AMD1: variants seen among roughly 807,000 people sequenced by gnomAD.
AMD1 encodes the protein S-adenosylmethionine decarboxylase proenzyme.
In AMD1, 11 loss-of-function variants were observed where a neutral mutation model predicts 40.2. The observed-to-expected ratio is 0.27, with a 90% CI of 0.17 to 0.45. The LOEUF (loss-of-function observed/expected upper bound fraction) is 0.45, where lower values mean the gene tolerates loss of function less well. Among genes scored for constraint, AMD1 ranks in the 20% least tolerant of loss-of-function variants. The probability of loss-of-function intolerance (pLI) is 1.00; values close to 1 mark genes in which losing one functional copy is unlikely to be tolerated. For synonymous variants in AMD1, 121 were observed against 130.8 expected, an observed-to-expected ratio of 0.93 and a Z score of 0.51; for missense variants, 257 against 410.2, an observed-to-expected ratio of 0.63 and a Z score of 3.23.
chr6:110,835,941 A>G, the AMD1 span, among the ~76,000 whole-genome samples: 40 of 147,446 alleles, frequency 2.7e-4, no homozygotes, highest in Non-Finnish European at 4.5e-4. Context: ...GAGCCCAGAA[A>G]GGCTGAGGCT....
At chr6:110,858,541 C>A in the AMD1 span, 2 of 1,599,054 alleles carry the variant, frequency 1.3e-6, no homozygotes, top group Non-Finnish European at 1.7e-6. Context: ...ACGGCATGAA[C>A]ACCGTGGACC....
At chr6:110,869,650 T>C in the AMD1 span, among the ~76,000 whole-genome samples, 51 of 150,872 alleles carry the variant, frequency 3.4e-4, no homozygotes, top group African/African-American at 1.2e-3. Context: ...GCTGGGATTA[T>C]AGGCGTGCTC....
the AMD1 span, among the ~76,000 whole-genome samples, chr6:110,829,680 A>G: frequency 6.6e-6 from 1 of 150,626 alleles, no homozygotes; most frequent in African/African-American, 2.4e-5. Context: ...AAAAATAATA[A>G]TAATAATAAT....
At chr6:110,846,609 C>T in the AMD1 span, among the ~76,000 whole-genome samples, 2 of 152,254 alleles carry the variant, frequency 1.3e-5, no homozygotes, top group East Asian at 1.9e-4. Context: ...TGGTGGCTCA[C>T]ACCTGTAATC....
the AMD1 span, among the ~76,000 whole-genome samples, chr6:110,837,106 G>GTGATACCACCACTGCACTACAGTC: frequency 7.1e-6 from 1 of 140,508 alleles, no homozygotes; most frequent in Non-Finnish European, 1.5e-5. Context: ...GCAGTGAGCT[G>GTGATACCACCACTGCACTACAGTC]TGATACCACC....
chr6:110,885,340 T>C (rs1335299949), intron 1 of AMD1, among the ~76,000 whole-genome samples: 4 of 152,188 alleles, frequency 2.6e-5, no homozygotes, highest in Non-Finnish European at 5.9e-5. Context: ...CTCAAACTCC[T>C]GACCTCAGGT....
At chr6:110,868,449 G>A in the AMD1 span, among the ~76,000 whole-genome samples, 1 of 152,030 alleles carries the variant, frequency 6.6e-6, no homozygotes, top group African/African-American at 2.4e-5. Context: ...GGGCCCGGAC[G>A]TCTTTTCTTA....
the AMD1 span, among the ~76,000 whole-genome samples, chr6:110,847,886 A>AT: frequency 1.4e-4 from 21 of 148,614 alleles, no homozygotes; most frequent in East Asian, 2.5e-3. Context: ...TAATTTTTGT[A>AT]TTTTTTTTTA....
At chr6:110,875,786 G>C (rs1785072539) in intron 1 of AMD1, among the ~76,000 whole-genome samples, 1 of 152,220 alleles carries the variant, frequency 6.6e-6, no homozygotes, top group East Asian at 2.0e-4. Flanking sequence ...GCGGCCGCGG[G>C]CAGCATGTGG....
At chr6:110,826,200 A>T in the AMD1 span, among the ~76,000 whole-genome samples, 2 of 115,202 alleles carry the variant, frequency 1.7e-5, no homozygotes, top group African/African-American at 6.7e-5. Flanking sequence ...TGAACCCGGG[A>T]GGTGGAGGTT....
the AMD1 span, chr6:110,815,226 T>A: frequency 8.4e-7 from 1 of 1,197,522 alleles, no homozygotes; most frequent in Non-Finnish European, 1.1e-6. Flanking sequence ...GCTCCACTTC[T>A]CCAACAGCCG....
chr6:110,835,598 G>A, the AMD1 span, among the ~76,000 whole-genome samples: 2 of 152,004 alleles, frequency 1.3e-5, no homozygotes, highest in Middle Eastern at 3.2e-3. Flanking sequence ...GGGCGCAGTG[G>A]TTCACGCCTG....
At chr6:110,855,065 C>CTTTTTCTTTTTTTT in the AMD1 span, among the ~76,000 whole-genome samples, 1 of 80,446 alleles carries the variant, frequency 1.2e-5, no homozygotes, top group Non-Finnish European at 2.3e-5. Flanking sequence ...CTCTCTCTCT[C>CTTTTTCTTTTTTTT]TTTTTTTTTT....
chr6:110,825,252 T>C, the AMD1 span, among the ~76,000 whole-genome samples: 1 of 152,256 alleles, frequency 6.6e-6, no homozygotes, highest in Non-Finnish European at 1.5e-5. Context: ...AATGTGGTCC[T>C]CTTTCTCTTC....
the AMD1 span, among the ~76,000 whole-genome samples, chr6:110,830,051 T>C: frequency 2.0e-5 from 3 of 152,128 alleles, no homozygotes; most frequent in African/African-American, 7.2e-5. Context: ...AGTCTGGCTC[T>C]GTCACCAGGC....
chr6:110,824,805 T>C, the AMD1 span, among the ~76,000 whole-genome samples: 2 of 152,122 alleles, frequency 1.3e-5, no homozygotes, highest in African/African-American at 4.8e-5. Flanking sequence ...GGAAAGTAAG[T>C]AGAGTGAACA....
At chr6:110,872,814 T>TG (rs1356763895), upstream of AMD1, among the ~76,000 whole-genome samples, 2 of 152,152 alleles carry the variant, frequency 1.3e-5, no homozygotes, top group Non-Finnish European at 2.9e-5. Context: ...TAAATTGCAC[T>TG]GGGAAAAAAG....
In AMD1 at chr6:110,879,099, A is replaced by G. The variant is rs114834813; in HGVS notation, c.110+3884A>G. ...GTTTCATGGCTGGGCTTGGTGGCTC[A>G]TGTCTAATCCCAGCACTCTGAGAGA... is the stretch of plus-strand genomic sequence containing the variant. On this transcript the variant is annotated intron_variant, in intron 1 of 8. Coordinates refer to ENST00000368885, the MANE Select transcript of AMD1 (RefSeq NM_001634.6). 1.5e-3 allele frequency among the ~76,000 whole-genome samples: 236 copies of G among 152,268 alleles called. 2 individuals are homozygous for G. Among genetic ancestry groups the G allele is most frequent in the African/African-American group, 5.1e-3 (213 of 41,562 alleles).
In AMD1 at chr6:110,874,858, A is replaced by T; in HGVS notation, c.-248A>T. ...TCTAACGGGAAAGCAGCGGAATACA[A>T]GAGACTGAACTGTATCTGCCTCTAT... On this transcript the variant is annotated 5_prime_UTR_variant, in exon 1 of 9. It adds an upstream start codon to the 5' untranslated region. Transcript: ENST00000368885. The T allele has an allele frequency of 2.2e-6, 1 of 463,212 alleles. No individual in the cohort carries two copies. Among genetic ancestry groups the T allele is most frequent in the Non-Finnish European group, 3.9e-6 (1 of 257,958 alleles). The allele number at this position is 463,212 out of a possible 1,614,324, so 28.7% of individuals were successfully genotyped here. A position where few individuals can be genotyped will look rare whatever the true frequency, so the allele number is the denominator to read the frequency against.
Sources: gnomAD v4.1 joint callset for allele counts (sites outside exome capture counted in the v4.1 genomes callset) on GRCh38, gnomAD v4.1.1 for gene constraint, MANE v1.5 for transcripts, NCBI Gene and HGNC (gene_info 2026-07-23, HGNC 2026-07-21) for gene names.